Variants in CFAP58 observed in about 807,000 individuals in gnomAD.
The protein encoded by CFAP58 is cilia and flagella associated protein 58.
CFAP58 carries 88 observed loss-of-function variants against 119.5 expected under a neutral mutation model. The ratio of observed to expected loss-of-function variants is 0.74; its 90% confidence interval spans 0.62 to 0.88. CFAP58 has a LOEUF of 0.88. Among genes scored for constraint, CFAP58 ranks in the 40% least tolerant of loss-of-function variants. The pLI, the probability that CFAP58 is intolerant of heterozygous loss-of-function variation, is 0.00. For synonymous variants in CFAP58, 365 were observed against 366.3 expected, an observed-to-expected ratio of 1.00 and a Z score of 0.04; for missense variants, 990 against 1,021.2, an observed-to-expected ratio of 0.97 and a Z score of 0.42.
chr10:104,370,392 A>G (rs1045139131), intron 6 of CFAP58, among the ~76,000 whole-genome samples: 4 of 152,238 alleles, frequency 2.6e-5, no homozygotes, highest in African/African-American at 9.6e-5. Flanking sequence ...CCTCACAATC[A>G]TGGTGGAAGG....
Position 104,358,359 on chromosome 10 carries a change from G to A in CFAP58, c.28G>A (p.Val10Ile), listed in dbSNP as rs775103769. Residue 10 changes from valine to isoleucine, a missense_variant, in exon 2 of 18, where the codon GTC becomes ATC. Val to Ile is a conservative substitution (Grantham distance 29, BLOSUM62 3). Coordinates refer to ENST00000369704, the MANE Select transcript of CFAP58 (RefSeq NM_001008723.2). ...TCTATAGGAAAAGGGTGGAAAGCAA[G>A]TCCTGGAAGAATCTGCATTTGAAGA... MAEEKGGKQ[V>I]LEESAFEEME... is the part of the protein sequence containing the mutation. The A allele has an allele frequency of 1.2e-5, 20 of 1,612,420 alleles. No individual in the cohort carries two copies. The highest frequency in any genetic ancestry group is 1.7e-5 in the Non-Finnish European group (20 of 1,179,002).
At chr10:104,374,446 G>A (rs1237265544) in intron 7 of CFAP58, among the ~76,000 whole-genome samples, 2 of 94,974 alleles carry the variant, frequency 2.1e-5, no homozygotes, top group Non-Finnish European at 3.8e-5. Context: ...GCGAGACCTT[G>A]TTTCAGGAAA....
intron 15 of CFAP58, among the ~76,000 whole-genome samples, chr10:104,442,837 C>T (rs11192060): frequency 3.3e-5 from 5 of 152,086 alleles, no homozygotes; most frequent in Admixed American, 1.3e-4. Context: ...AAATATTGCT[C>T]GAAGTGATGG....
chr10:104,365,851 C>T lies in CFAP58; in HGVS notation c.635C>T (p.Ser212Phe). ...QEIQQRQNEA[S>F]REFRKKEKLE... The stretch of plus-strand genomic sequence containing the variant: ...ATCCAGCAACGTCAGAACGAAGCTT[C>T]CCGGGAGTTCCGGAAGAAGGAAAAA... The change falls in exon 5 of 18, where the codon TCC (serine) becomes TTC (phenylalanine). Residue 212 changes from serine (S) to phenylalanine (F), a missense_variant. Ser to Phe is a radical substitution (Grantham distance 155, BLOSUM62 -2). Transcript: ENST00000369704. The T allele has an allele frequency of 6.2e-7, 1 of 1,612,978 alleles. No individual in the cohort carries two copies. Among genetic ancestry groups the T allele is most frequent in the Non-Finnish European group, 8.5e-7 (1 of 1,179,632 alleles).
chr10:104,347,452 C>T, the CFAP58 span, among the ~76,000 whole-genome samples: 145 of 152,216 alleles, frequency 9.5e-4, 4 homozygotes, highest in South Asian at 0.029. Context: ...TCTGCTCTGT[C>T]ATCTAAGGTG....
In CFAP58 at chr10:104,450,068, T is replaced by C; in HGVS notation, c.2377-3T>C. 1 of 1,589,420 alleles carries C rather than the reference T, an allele frequency of 6.3e-7. No homozygotes were observed. The highest frequency in any genetic ancestry group is 1.4e-5 in the African/African-American group (1 of 73,366). ...GTTAATGCTGCTTTATTTGCCATGT[T>C]AGGTTTTGTCTTCAGAATTGAATAT... On this transcript the variant is annotated splice_polypyrimidine_tract_variant and splice_region_variant and intron_variant, in intron 16 of 17. Transcript: ENST00000369704.
At chr10:104,416,780 G>A (rs1026974312) in intron 15 of CFAP58, among the ~76,000 whole-genome samples, 1 of 152,224 alleles carries the variant, frequency 6.6e-6, no homozygotes, top group Non-Finnish European at 1.5e-5. Flanking sequence ...GGCCAGGAAA[G>A]CTGAGTCTTT....
intron 15 of CFAP58, among the ~76,000 whole-genome samples, chr10:104,420,775 C>T (rs2012643883): frequency 1.6e-5 from 2 of 123,688 alleles, no homozygotes; most frequent in East Asian, 2.4e-4. Flanking sequence ...TTTTTTGAGA[C>T]AGCGTCTCAC....
chr10:104,396,393 AGAGAGAGAGAGAGAGAGAGAGAGAGAG>A (rs1483106180), intron 11 of CFAP58, among the ~76,000 whole-genome samples: 5 of 39,704 alleles, frequency 1.3e-4, no homozygotes, highest in African/African-American at 7.0e-4. Flanking sequence ...AGAGAGAGAG[AGAGAGAGAGAGAGAGAGAGAGAGAGAG>A]AGAGAGAGAG....
Position 104,365,069 on chromosome 10 carries a change from C to T in CFAP58, c.597+180C>T, listed in dbSNP as rs372785051. Among the ~76,000 whole-genome samples, 209 of 152,238 alleles carry T rather than the reference C, an allele frequency of 1.4e-3. 6 individuals are homozygous for T. In the South Asian group the frequency reaches 0.041, roughly 30 times the overall value. ...TGAGAGGAGCTTTACTTGATTTGAACGACTTGAATTGTTCTTTCTCTGCAT... is the reference window on the plus strand; with the variant it reads ...TGAGAGGAGCTTTACTTGATTTGAATGACTTGAATTGTTCTTTCTCTGCAT... On this transcript the variant is annotated intron_variant, in intron 4 of 17. Coordinates refer to ENST00000369704, the MANE Select transcript of CFAP58 (RefSeq NM_001008723.2).
chr10:104,439,916 T>A (rs1385824733), intron 15 of CFAP58, among the ~76,000 whole-genome samples: 1 of 152,032 alleles, frequency 6.6e-6, no homozygotes, highest in Non-Finnish European at 1.5e-5. Flanking sequence ...GCCTTCCGGG[T>A]TCACGCCATT....
rs569240157 is a variant in CFAP58 at position 104,379,436 on chromosome 10, C to G, written c.1174-593C>G. 2.0e-5 allele frequency among the ~76,000 whole-genome samples: 3 copies of G among 152,204 alleles called. No individual in the cohort carries two copies. In the East Asian group the frequency reaches 5.8e-4, roughly 29 times the overall value. ...CAGTTGATGAACATTTGGGTTGTGT[C>G]TATCTTTTGGCTTTTGTGAATTATT... is the stretch of plus-strand genomic sequence containing the variant. On this transcript the variant is annotated intron_variant, in intron 8 of 17. Coordinates refer to ENST00000369704, the MANE Select transcript of CFAP58 (RefSeq NM_001008723.2).
chr10:104,382,982 A>T lies in CFAP58; in HGVS notation c.1365+2762A>T, dbSNP rs1246905790. ...CTGGAGGAACCAATCCAGGGATGCCAGCTGCCCAGGTCCCACCTGGCCATC... is the reference window on the plus strand; with the variant it reads ...CTGGAGGAACCAATCCAGGGATGCCTGCTGCCCAGGTCCCACCTGGCCATC... On this transcript the variant is annotated intron_variant, in intron 9 of 17. Transcript: ENST00000369704. Among the ~76,000 whole-genome samples, 35 of 152,226 alleles carry T rather than the reference A, an allele frequency of 2.3e-4. 1 individual carries two copies. Among genetic ancestry groups the T allele is most frequent in the Admixed American group, 2.3e-3 (35 of 15,276 alleles).
At chr10:104,382,060 G>A in intron 9 of CFAP58, 1 of 716,830 alleles carries the variant, frequency 1.4e-6, no homozygotes, top group Admixed American at 2.0e-5. Flanking sequence ...AAAGATCTAT[G>A]TTTTGCTCAT....
the CFAP58 span, among the ~76,000 whole-genome samples, chr10:104,339,151 A>G: frequency 2.0e-5 from 3 of 152,128 alleles, no homozygotes; most frequent in African/African-American, 7.2e-5. Flanking sequence ...GGCCTTCCGA[A>G]GCGCCTGGGA....
At chr10:104,381,192 C>T (rs1003491106) in intron 9 of CFAP58, among the ~76,000 whole-genome samples, 1 of 152,040 alleles carries the variant, frequency 6.6e-6, no homozygotes, top group Non-Finnish European at 1.5e-5. Flanking sequence ...CAAACAAACA[C>T]CACTGGAGGA....
At chr10:104,414,992 G>A (rs554800556) in intron 15 of CFAP58, among the ~76,000 whole-genome samples, 139 of 152,320 alleles carry the variant, frequency 9.1e-4, no homozygotes, top group African/African-American at 3.1e-3. Context: ...AATACCTTGT[G>A]TTGCCGGCCT....
At chr10:104,370,461 G>A (rs1349172225) in intron 6 of CFAP58, among the ~76,000 whole-genome samples, 1 of 152,148 alleles carries the variant, frequency 6.6e-6, no homozygotes, top group Non-Finnish European at 1.5e-5. Flanking sequence ...GAGAACTTGT[G>A]TAGGGGAACT....
chr10:104,357,573 A>T (rs910745103), intron 1 of CFAP58, among the ~76,000 whole-genome samples: 3 of 152,138 alleles, frequency 2.0e-5, no homozygotes, highest in African/African-American at 7.2e-5. Context: ...TAATCATAAT[A>T]GCTCTGAAAA....
Sources: allele counts gnomAD v4.1 joint callset (sites outside exome capture counted in the v4.1 genomes callset), GRCh38; gene constraint gnomAD v4.1.1; transcripts MANE v1.5; gene names NCBI Gene and HGNC (gene_info 2026-07-23, HGNC 2026-07-21).